The following XRCC1 variants were observed in gnomAD, a reference collection of about 807,000 sequenced individuals.
XRCC1 encodes DNA repair protein XRCC1.
Under a neutral mutation model 83.3 loss-of-function variants are expected in XRCC1, and 52 were observed. That is an observed-to-expected ratio of 0.62 (90% CI 0.50 to 0.79). The LOEUF is 0.79. Among genes scored for constraint, XRCC1 ranks in the 30% least tolerant of loss-of-function variants. XRCC1 has a pLI of 0.00. For missense variants in XRCC1, 793 were observed against 823.5 expected (o/e 0.96, Z 0.45); for synonymous variants, 281 against 312.6 (o/e 0.90, Z 1.07).
chr19:43,544,456 T>A (rs996028226), intron 14 of XRCC1, among the ~76,000 whole-genome samples: 1 of 151,940 alleles, frequency 6.6e-6, no homozygotes. Context: ...ATACAATGCC[T>A]ATTATTGTGA....
chr19:43,551,292 C>T (rs1268612941), intron 10 of XRCC1, among the ~76,000 whole-genome samples: 1 of 152,194 alleles, frequency 6.6e-6, no homozygotes, highest in African/African-American at 2.4e-5. Context: ...TGAATATGGA[C>T]CCTAACACTT....
intron 2 of XRCC1, among the ~76,000 whole-genome samples, chr19:43,568,376 A>C (rs577290939): frequency 6.6e-6 from 1 of 152,164 alleles, no homozygotes; most frequent in South Asian, 2.1e-4. Context: ...ATGTGCCCGT[A>C]ATCCCAGCTA....
chr19:43,566,352 G>A (rs1277498577), intron 2 of XRCC1, among the ~76,000 whole-genome samples: 1 of 151,788 alleles, frequency 6.6e-6, no homozygotes, highest in Non-Finnish European at 1.5e-5. Context: ...GGCCAAGAGG[G>A]TGAAACCCCG....
intron 2 of XRCC1, among the ~76,000 whole-genome samples, chr19:43,573,653 G>A (rs1248870373): frequency 1.3e-5 from 2 of 152,052 alleles, no homozygotes; most frequent in Non-Finnish European, 2.9e-5. Flanking sequence ...CAGGAGGAAC[G>A]CTTGAGCCCA....
intron 2 of XRCC1, among the ~76,000 whole-genome samples, chr19:43,573,171 C>T (rs1027584117): frequency 2.6e-5 from 4 of 151,966 alleles, no homozygotes; most frequent in Admixed American, 6.6e-5. Flanking sequence ...TGGGTTCAAG[C>T]GATTCACCCA....
intron 4 of XRCC1, 82 bp downstream of exon 4, chr19:43,554,558 TCCCAGC>T (rs1972615326): frequency 6.8e-7 from 1 of 1,474,828 alleles, no homozygotes; most frequent in African/African-American, 1.4e-5. Flanking sequence ...TGTCTACTCC[TCCCAGC>T]CCTATGGGAC....
chr19:43,553,220 C>A, intron 6 of XRCC1, 129 bp from the exon 7 acceptor site: 2 of 1,204,464 alleles, frequency 1.7e-6, no homozygotes, highest in Non-Finnish European at 2.3e-6. Context: ...CTCCAGACCT[C>A]TCAACCCTCA....
At chr19:43,545,488 C>T (rs187602911) in intron 14 of XRCC1, among the ~76,000 whole-genome samples, 3 of 152,144 alleles carry the variant, frequency 2.0e-5, no homozygotes, top group Admixed American at 1.3e-4. Context: ...ACCAACAGAA[C>T]GGCACCTGAG....
chr19:43,557,489 A>C (rs751391082), intron 3 of XRCC1, among the ~76,000 whole-genome samples: 11 of 152,120 alleles, frequency 7.2e-5, no homozygotes, highest in Non-Finnish European at 1.2e-4. Context: ...GATTATGCAA[A>C]GGAAACAAGA....
chr19:43,573,698 C>T (rs1478853543), intron 2 of XRCC1, among the ~76,000 whole-genome samples: 2 of 151,548 alleles, frequency 1.3e-5, no homozygotes, highest in Non-Finnish European at 2.9e-5. Context: ...ATGGTGGAAA[C>T]CCCATCTCTA....
chr19:43,570,627 T>A (rs934731175), intron 2 of XRCC1, among the ~76,000 whole-genome samples: 5 of 151,790 alleles, frequency 3.3e-5, no homozygotes, highest in African/African-American at 9.7e-5. Flanking sequence ...CTACGAAAAA[T>A]TTTTAAAATT....
intron 9 of XRCC1, 28 bp from the exon 10 acceptor site, chr19:43,551,715 A>T: frequency 1.3e-6 from 2 of 1,576,844 alleles, no homozygotes; most frequent in Non-Finnish European, 1.7e-6. Context: ...TGAAGATGCC[A>T]GTTAGGTGTG....
intron 3 of XRCC1, among the ~76,000 whole-genome samples, chr19:43,555,953 G>A (rs941099706): frequency 8.5e-5 from 13 of 152,114 alleles, no homozygotes; most frequent in African/African-American, 3.1e-4. Context: ...ACAGTGGTGC[G>A]ATCATAGCTC....
intron 2 of XRCC1, among the ~76,000 whole-genome samples, chr19:43,567,876 CTTT>C (rs71336880): frequency 2.2e-4 from 27 of 124,666 alleles, no homozygotes; most frequent in Admixed American, 3.3e-4. Context: ...GCAATCTTTT[CTTT>C]TTTTTTTTTT....
At chr19:43,566,324 A>T (rs920340009) in intron 2 of XRCC1, among the ~76,000 whole-genome samples, 1 of 151,498 alleles carries the variant, frequency 6.6e-6, no homozygotes, top group African/African-American at 2.4e-5. Context: ...CAAGGTCAGG[A>T]GAGTTCAAGA....
intron 2 of XRCC1, among the ~76,000 whole-genome samples, chr19:43,564,806 A>AC (rs911345323): frequency 3.2e-4 from 47 of 147,576 alleles, no homozygotes; most frequent in Non-Finnish European, 5.9e-4. Context: ...CAAAAAAAAA[A>AC]CACACAAATT....
chr19:43,569,005 G>A (rs1478181838), intron 2 of XRCC1, among the ~76,000 whole-genome samples: 1 of 151,166 alleles, frequency 6.6e-6, no homozygotes, highest in Non-Finnish European at 1.5e-5. Flanking sequence ...TTAGTTGGGT[G>A]TGGTGGTGTG....
intron 10 of XRCC1, among the ~76,000 whole-genome samples, chr19:43,547,616 C>T (rs950741717): frequency 1.3e-5 from 2 of 151,962 alleles, no homozygotes; most frequent in East Asian, 1.9e-4. Context: ...CCAGTAACTG[C>T]GATTACAGGC....
rs192490230 is a variant in XRCC1 at position 43,567,116 on chromosome 19, C to T, written c.145-6096G>A. On this transcript the variant is annotated intron_variant, in intron 2 of 16. Transcript: ENST00000262887. The stretch of plus-strand genomic sequence containing the variant: ...TTTATAAGTCCAGAATACGCAAATC[C>T]AGAGAAGCAGAAAGTAGATCAGTGG... 1.5e-3 allele frequency among the ~76,000 whole-genome samples: 225 copies of T among 152,030 alleles called. 1 individual carries two copies. Among genetic ancestry groups the T allele is most frequent in the Non-Finnish European group, 2.1e-4 (14 of 67,976 alleles).
Sources: allele counts gnomAD v4.1 joint callset (sites outside exome capture counted in the v4.1 genomes callset), GRCh38; gene constraint gnomAD v4.1.1; transcripts MANE v1.5; gene names NCBI Gene and HGNC (gene_info 2026-07-23, HGNC 2026-07-21).